The following DTNB variants were observed in gnomAD, a reference collection of about 807,000 sequenced individuals.
The protein encoded by DTNB is dystrobrevin beta, also known as DTN-B.
DTNB carries 63 observed loss-of-function variants against 90.7 expected under a neutral mutation model. The observed-to-expected ratio is 0.69, with a 90% CI of 0.57 to 0.86. The LOEUF (loss-of-function observed/expected upper bound fraction) is 0.86. Among genes scored for constraint, DTNB ranks in the 40% least tolerant of loss-of-function variants. The pLI, the probability that DTNB is intolerant of heterozygous loss-of-function variation, is 0.00. For missense variants in DTNB, 744 were observed against 807.1 expected (o/e 0.92, Z 0.95); for synonymous variants, 277 against 286.7 (o/e 0.97, Z 0.34).
At chr2:25,531,313 T>A (rs1372516986) in intron 9 of DTNB, among the ~76,000 whole-genome samples, 160 bp downstream of exon 9, 2 of 152,164 alleles carry the variant, frequency 1.3e-5, no homozygotes, top group Non-Finnish European at 2.9e-5. Context: ...TAACGGTGAT[T>A]TACAGAGAAG....
At chr2:25,615,470 A>G (rs1290028908) in intron 4 of DTNB, among the ~76,000 whole-genome samples, 2 of 152,166 alleles carry the variant, frequency 1.3e-5, no homozygotes, top group African/African-American at 4.8e-5. Context: ...CTATATCCTA[A>G]GAGTGGCCTC....
rs187355625 is a variant in DTNB at position 25,488,776 on chromosome 2, G to T, written c.1002-5903C>A. On this transcript the variant is annotated intron_variant, in intron 9 of 20. Coordinates refer to ENST00000406818, the MANE Select transcript of DTNB (RefSeq NM_021907.5). ...CAAGCGATTCCCCCCTCACCCTCCC[G>T]AGTAGCTGGGATTACAGGCATCCGC... Among the ~76,000 whole-genome samples, 3 of 152,166 alleles carry T rather than the reference G, an allele frequency of 2.0e-5. No individual in the cohort carries two copies. In the East Asian group the frequency reaches 5.8e-4, roughly 29 times the overall value.
chr2:25,622,579 C>T (rs73922446), intron 4 of DTNB, among the ~76,000 whole-genome samples: 189 of 152,230 alleles, frequency 1.2e-3, no homozygotes, highest in African/African-American at 4.4e-3. Context: ...CATACTCCTA[C>T]GTGGGAAGAA....
Position 25,536,220 on chromosome 2 carries a change from C to T in DTNB, c.877-4623G>A, listed in dbSNP as rs565993888. Among the ~76,000 whole-genome samples, 115 of 146,076 alleles carry T rather than the reference C, an allele frequency of 7.9e-4. 1 individual carries two copies. In the South Asian group the frequency reaches 0.019, roughly 24 times the overall value. Reference sequence around the variant, plus strand: ...GCAGAGGCACTCCTCACCTCCCAGACGGGGCGGCCGGGCAGAGGGGCTCCT... The same window carrying T: ...GCAGAGGCACTCCTCACCTCCCAGATGGGGCGGCCGGGCAGAGGGGCTCCT... On this transcript the variant is annotated intron_variant, in intron 8 of 20. Coordinates refer to ENST00000406818, the MANE Select transcript of DTNB (RefSeq NM_021907.5).
At chr2:25,663,977 C>T (rs1483746829) in intron 1 of DTNB, among the ~76,000 whole-genome samples, 1 of 152,138 alleles carries the variant, frequency 6.6e-6, no homozygotes, top group Non-Finnish European at 1.5e-5. Context: ...TTTTAAGGTA[C>T]TGGATTATGA....
In DTNB at chr2:25,534,011, T is replaced by TG. The variant is rs34134941; in HGVS notation, c.877-2415_877-2414insC. Among the ~76,000 whole-genome samples the TG allele has an allele frequency of 4.1e-4, 62 of 151,194 alleles. 1 individual carries two copies. Among genetic ancestry groups the TG allele is most frequent in the Non-Finnish European group, 3.7e-4 (25 of 67,770 alleles). ...GTTTATTTTTTTTTTAATTTTTTTT[T>TG]AAGTATTTATTGATCATTCTTGGGT... On this transcript the variant is annotated intron_variant, in intron 8 of 20. Coordinates refer to ENST00000406818, the MANE Select transcript of DTNB (RefSeq NM_021907.5).
At chr2:25,661,632 C>G (rs1193176850) in intron 1 of DTNB, among the ~76,000 whole-genome samples, 1 of 152,208 alleles carries the variant, frequency 6.6e-6, no homozygotes, top group Non-Finnish European at 1.5e-5. Flanking sequence ...GTGAAGATGA[C>G]AGAAGCGTTT....
chr2:25,465,422 T>C (rs1378348345), intron 10 of DTNB, among the ~76,000 whole-genome samples: 2 of 151,822 alleles, frequency 1.3e-5, no homozygotes, highest in African/African-American at 4.8e-5. Flanking sequence ...GGTATGTATA[T>C]GGGAACTTAC....
chr2:25,385,156 G>A (rs2039118783), intron 18 of DTNB, among the ~76,000 whole-genome samples: 1 of 152,264 alleles, frequency 6.6e-6, no homozygotes, highest in Admixed American at 6.5e-5. Flanking sequence ...GGGATTACAG[G>A]TGTGAGCCAC....
At chr2:25,559,625 G>T (rs1343322391) in intron 8 of DTNB, among the ~76,000 whole-genome samples, 1 of 152,188 alleles carries the variant, frequency 6.6e-6, no homozygotes, top group East Asian at 1.9e-4. Context: ...TGGGATGAAT[G>T]ACGGCCCCCC....
At chr2:25,608,958 C>T (rs1450715262) in intron 4 of DTNB, among the ~76,000 whole-genome samples, 2 of 152,176 alleles carry the variant, frequency 1.3e-5, no homozygotes, top group African/African-American at 2.4e-5. Context: ...GGGGCAGCTA[C>T]ATTCAGTGTT....
chr2:25,496,346 C>T (rs1046530370), intron 9 of DTNB, among the ~76,000 whole-genome samples: 3 of 152,030 alleles, frequency 2.0e-5, no homozygotes, highest in African/African-American at 7.2e-5. Flanking sequence ...ATGCTAAGTC[C>T]TGTATTTAAG....
At chr2:25,591,200 A>G (rs1216253685) in intron 6 of DTNB, among the ~76,000 whole-genome samples, 1 of 152,218 alleles carries the variant, frequency 6.6e-6, no homozygotes, top group Non-Finnish European at 1.5e-5. Context: ...TGCAGGGGCA[A>G]GGGCAGCCTT....
intron 8 of DTNB, among the ~76,000 whole-genome samples, chr2:25,562,759 T>C (rs2058448729): frequency 6.6e-6 from 1 of 152,096 alleles, no homozygotes; most frequent in Non-Finnish European, 1.5e-5. Flanking sequence ...TTCCCCATTT[T>C]TTCCCCCAAT....
chr2:25,482,999 G>A, intron 9 of DTNB, 126 bp from the exon 10 acceptor site: 1 of 960,518 alleles, frequency 1.0e-6, no homozygotes, highest in East Asian at 3.2e-5. Context: ...CGGACCCATG[G>A]GGAGGGGGGG....
At chr2:25,627,579 G>A (rs2148704850) in intron 4 of DTNB, among the ~76,000 whole-genome samples, 1 of 152,224 alleles carries the variant, frequency 6.6e-6, no homozygotes, top group South Asian at 2.1e-4. Flanking sequence ...TTTTTCATGA[G>A]CTGGAGGACA....
At chr2:25,508,393 TATGATCCA>T (rs1558810532) in intron 9 of DTNB, among the ~76,000 whole-genome samples, 2 of 152,270 alleles carry the variant, frequency 1.3e-5, no homozygotes, top group Non-Finnish European at 2.9e-5. Flanking sequence ...GGCTGTTAAA[TATGATCCA>T]TTCTGAATGT....
At chr2:25,449,318 A>G (rs2058917218) in intron 12 of DTNB, among the ~76,000 whole-genome samples, 1 of 152,196 alleles carries the variant, frequency 6.6e-6, no homozygotes, top group African/African-American at 2.4e-5. Flanking sequence ...TTTTGTGAAC[A>G]TGTTTTCATT....
chr2:25,551,123 A>G (rs775604776), intron 8 of DTNB, among the ~76,000 whole-genome samples: 1 of 152,158 alleles, frequency 6.6e-6, no homozygotes, highest in Non-Finnish European at 1.5e-5. Context: ...CTGATCTTTT[A>G]GTTAACTCAT....
Sources: allele counts gnomAD v4.1 joint callset (sites outside exome capture counted in the v4.1 genomes callset), GRCh38; gene constraint gnomAD v4.1.1; transcripts MANE v1.5; gene names NCBI Gene and HGNC (gene_info 2026-07-23, HGNC 2026-07-21).